Variants in HERC1 observed in about 807,000 individuals in gnomAD.
HERC1 encodes the protein HECT and RLD domain containing E3 ubiquitin protein ligase family member 1.
A neutral mutation model predicts 554.3 loss-of-function variants in HERC1; 160 were observed. The observed-to-expected ratio is 0.29, with a 90% CI of 0.25 to 0.33. The LOEUF is 0.33. HERC1 is among the 10% of genes least tolerant of loss of function. The pLI is 1.00. For synonymous variants in HERC1, 2,175 were observed against 2,131.7 expected (o/e 1.02, Z -0.56); for missense variants, 4,919 against 5,918.5 (o/e 0.83, Z 5.54).
intron 48 of HERC1, among the ~76,000 whole-genome samples, chr15:63,657,110 T>C (rs2070083392): frequency 6.6e-6 from 1 of 152,158 alleles, no homozygotes; most frequent in Non-Finnish European, 1.5e-5. Context: ...TATCGAACAG[T>C]TTTCCAAAGT....
rs1332642056 is a variant in HERC1 at position 63,778,799 on chromosome 15, T to C, written c.-26-3150A>G. 3.9e-5 allele frequency among the ~76,000 whole-genome samples: 6 copies of C among 152,274 alleles called. No individual in the cohort carries two copies. The South Asian group carries it at 1.0e-3, about 26-fold the overall frequency. ...CAAAATTAAATTTTACATTTATCAA[T>C]TGAGGGAAATTCCCTGATGACGACA... On this transcript the variant is annotated intron_variant, in intron 1 of 77. Transcript: ENST00000443617.
chr15:63,689,090 G>A (rs949945614), intron 33 of HERC1, among the ~76,000 whole-genome samples: 1 of 152,226 alleles, frequency 6.6e-6, no homozygotes, highest in African/African-American at 2.4e-5. Context: ...CCAAAAAAGA[G>A]TTGCTTTCAA....
intron 12 of HERC1, among the ~76,000 whole-genome samples, chr15:63,743,268 T>TTC (rs1555433284): frequency 2.1e-5 from 3 of 144,466 alleles, no homozygotes; most frequent in Admixed American, 6.8e-5. Flanking sequence ...TTTTTCTTTT[T>TTC]TTTTTTTTTT....
At position 63,623,899 on chromosome 15, in the gene HERC1, G is replaced by T; in HGVS notation, c.13446-9C>A. 1 of 1,612,682 alleles carries T rather than the reference G, an allele frequency of 6.2e-7. No homozygotes were observed. Among genetic ancestry groups the T allele is most frequent in the Non-Finnish European group, 8.5e-7 (1 of 1,179,064 alleles). The stretch of plus-strand genomic sequence containing the variant: ...GCTTACACTTCCGTCCTCTTTAAAA[G>T]AAAGGGAGAAAGCAATGAAATACAA... On this transcript the variant is annotated splice_polypyrimidine_tract_variant and intron_variant, in intron 72 of 77. Coordinates refer to ENST00000443617, the MANE Select transcript of HERC1 (RefSeq NM_003922.4).
chr15:63,783,195 T>A (rs760092986), intron 1 of HERC1, among the ~76,000 whole-genome samples: 23 of 152,170 alleles, frequency 1.5e-4, no homozygotes, highest in Non-Finnish European at 3.1e-4. Flanking sequence ...CAAACAACAT[T>A]GCATGCTACA....
chr15:63,786,148 G>C (rs1192066909), intron 1 of HERC1, among the ~76,000 whole-genome samples: 9 of 152,216 alleles, frequency 5.9e-5, no homozygotes, highest in Admixed American at 1.3e-4. Context: ...TGTAGTCCCA[G>C]CTACTTAGCA....
chr15:63,657,003 C>G (rs964639304), intron 48 of HERC1, among the ~76,000 whole-genome samples: 3 of 152,080 alleles, frequency 2.0e-5, no homozygotes, highest in African/African-American at 4.8e-5. Context: ...AATGATTGGT[C>G]TTTAGGGGGC....
chr15:63,760,111 A>G (rs1401505619), intron 3 of HERC1, among the ~76,000 whole-genome samples: 2 of 9,066 alleles, frequency 2.2e-4, no homozygotes, highest in Non-Finnish European at 1.7e-3. Flanking sequence ...CTGGGGGCAG[A>G]AAAAAAAATT....
chr15:63,718,610 T>C lies in HERC1; in HGVS notation c.3942A>G (p.Glu1314=). 6.3e-7 allele frequency: 1 copy of C among 1,587,178 alleles called. No homozygotes were observed. Among genetic ancestry groups the C allele is most frequent in the Non-Finnish European group, 8.6e-7 (1 of 1,164,632 alleles). The change falls in exon 21 of 78, where the codon GAA becomes GAG. Residue 1314 remains glutamate (E), a synonymous_variant. Transcript: ENST00000443617. The surrounding 1 kb of genome is among the most constrained non-coding windows in gnomAD (Gnocchi z 4.2). ...GTGATGATGACCTTGTTTGAATAAG[T>C]TCAAGGTTCTTGCAAGCAAGTAAAC... is the stretch of plus-strand genomic sequence containing the variant. ...RSRLLACKNL[E]LIQTRSSSRD...
rs768722207 is a variant in HERC1, at chr15:63,658,651, T to C, written c.9492A>G (p.Leu3164=). The change falls in exon 48 of 78, where the codon CTA becomes CTG. Residue 3164 remains leucine, a synonymous_variant. Transcript: ENST00000443617. Reference sequence around the variant, plus strand: ...CCACCACACGGTCATGAGGGTTTGCTAGGGCAGCTGCCTGCTCTCCTAACG... The same window carrying C: ...CCACCACACGGTCATGAGGGTTTGCCAGGGCAGCTGCCTGCTCTCCTAACG... ...RITLGEQAAA[L]ANPHDRVVAL... 1.2e-6 allele frequency: 2 copies of C among 1,613,924 alleles called. No individual in the cohort carries two copies. Among genetic ancestry groups the C allele is most frequent in the South Asian group, 2.2e-5 (2 of 91,076 alleles).
At chr15:63,783,038 T>G (rs1407505518) in intron 1 of HERC1, among the ~76,000 whole-genome samples, 1 of 152,182 alleles carries the variant, frequency 6.6e-6, no homozygotes, top group East Asian at 1.9e-4. Context: ...TGAAAGATAT[T>G]CCTGGTGAAG....
intron 1 of HERC1, among the ~76,000 whole-genome samples, chr15:63,799,699 T>G (rs755611955): frequency 5.3e-5 from 8 of 152,038 alleles, no homozygotes; most frequent in Non-Finnish European, 2.9e-5. Context: ...TGGAAAATGA[T>G]AGGACAATAA....
intron 1 of HERC1, among the ~76,000 whole-genome samples, chr15:63,824,441 G>A (rs781232481): frequency 7.3e-5 from 11 of 151,678 alleles, no homozygotes; most frequent in Non-Finnish European, 1.6e-4. Flanking sequence ...GGCCAAGGCA[G>A]GAGAATCACT....
chr15:63,749,301 T>TC lies in HERC1; in HGVS notation c.2219+65_2219+66insG. On this transcript the variant is annotated intron_variant, in intron 10 of 77. Coordinates refer to ENST00000443617, the MANE Select transcript of HERC1 (RefSeq NM_003922.4). This position sits in a 1 kb window ranked among gnomAD's most constrained non-coding sequence, Gnocchi z 4.1. ...GCACAATTATTTCTGTTTTTATTAG[T>TC]GTTTCTACTTTTTATTGGTGTTTAT... 8.3e-7 allele frequency: 1 copy of TC among 1,200,438 alleles called. No individual in the cohort carries two copies. The highest frequency in any genetic ancestry group is 1.5e-5 in the South Asian group (1 of 64,790). 74.4% of individuals were successfully genotyped at this position (1,200,438 alleles called of 1,614,324 possible).
rs763279541 is a variant in HERC1, at chr15:63,651,278, C to G, written c.10521G>C (p.Lys3507Asn). Residue 3507 changes from lysine (K) to asparagine (N), a missense_variant, in exon 53 of 78, where the codon AAG (lysine) becomes AAC (asparagine). Physicochemically the swap from Lys to Asn is moderately conservative, Grantham distance 94. Coordinates refer to ENST00000443617, the MANE Select transcript of HERC1 (RefSeq NM_003922.4). The part of the protein sequence containing the change: ...SGKYLAGALE[K>N]MVNIWQVNGG... ...CATTAACTTGCCAGATATTCACCAT[C>G]TTTTCCAAAGCGCCTGCTAGATATT... 6.2e-7 allele frequency: 1 copy of G among 1,613,882 alleles called. No individual in the cohort carries two copies. Among genetic ancestry groups the G allele is most frequent in the Non-Finnish European group, 8.5e-7 (1 of 1,179,836 alleles).
chr15:63,787,056 G>A (rs915246168), intron 1 of HERC1, among the ~76,000 whole-genome samples: 1 of 151,842 alleles, frequency 6.6e-6, no homozygotes, highest in African/African-American at 2.4e-5. Context: ...TGGCCAGGCT[G>A]GTCTTGAAGT....
intron 24 of HERC1, among the ~76,000 whole-genome samples, 182 bp downstream of exon 24, chr15:63,712,593 A>G (rs949365282): frequency 6.6e-6 from 1 of 152,240 alleles, no homozygotes; most frequent in African/African-American, 2.4e-5. Context: ...TCAGAACAAG[A>G]GATTGAAACC....
intron 1 of HERC1, among the ~76,000 whole-genome samples, chr15:63,800,486 G>T (rs1945506645): frequency 1.3e-5 from 2 of 152,144 alleles, no homozygotes; most frequent in Admixed American, 6.5e-5. Context: ...TTAGTCACAA[G>T]ATATCAGTTT....
chr15:63,821,614 T>C (rs1253421810), intron 1 of HERC1, among the ~76,000 whole-genome samples: 1 of 142,808 alleles, frequency 7.0e-6, no homozygotes, highest in African/African-American at 2.6e-5. Context: ...CAGTCACAGC[T>C]ACCCTGGAGG....
Sources: gnomAD v4.1 joint callset for allele counts (sites outside exome capture counted in the v4.1 genomes callset) on GRCh38, gnomAD v4.1.1 for gene constraint, Gnocchi (gnomAD v3.1) non-coding constraint, MANE v1.5 for transcripts, NCBI Gene and HGNC (gene_info 2026-07-23, HGNC 2026-07-21) for gene names.